The following LAMA3 variants were observed in gnomAD, a reference collection of about 807,000 sequenced individuals.
LAMA3 encodes the protein laminin subunit alpha 3.
A neutral mutation model predicts 402.0 loss-of-function variants in LAMA3; 281 were observed. The observed-to-expected ratio is 0.70, with a 90% CI of 0.63 to 0.77. The LOEUF is 0.77. Among genes scored for constraint, LAMA3 ranks in the 30% least tolerant of loss-of-function variants. LAMA3 has a pLI of 0.00. For synonymous variants in LAMA3, 1,431 were observed against 1,558.4 expected, an observed-to-expected ratio of 0.92 and a Z score of 1.93; for missense variants, 3,840 against 4,215.5, an observed-to-expected ratio of 0.91 and a Z score of 2.47.
intron 32 of LAMA3, among the ~76,000 whole-genome samples, chr18:23,852,605 A>G (rs568150393): frequency 2.2e-4 from 34 of 152,296 alleles, no homozygotes; most frequent in Admixed American, 1.3e-3. Flanking sequence ...TGGTGGGGGC[A>G]CCTGTTCTAA....
chr18:23,951,804 A>C, intron 73 of LAMA3, 27 bp downstream of exon 73: 1 of 1,545,946 alleles, frequency 6.5e-7, no homozygotes. Context: ...CTGATTGTTC[A>C]TGCACTAAAA....
intron 12 of LAMA3, 23 bp from the exon 13 acceptor site, chr18:23,810,343 T>A: frequency 6.2e-7 from 1 of 1,613,816 alleles, no homozygotes; most frequent in Non-Finnish European, 8.5e-7. Context: ...CCCGCCTAAG[T>A]CTGATTGAAT....
chr18:23,833,861 G>A lies in LAMA3; in HGVS notation c.2857G>A (p.Val953Ile), dbSNP rs1005602003. The change falls in exon 24 of 75, where the codon GTT becomes ATT. Residue 953 changes from valine (V) to isoleucine (I), a missense_variant. Val to Ile is a conservative substitution (Grantham distance 29). Around this residue, in one of 3 missense-constraint regions of LAMA3, gnomAD observed 2,109 missense variants for 2,376.0 expected, o/e 0.89. Coordinates refer to ENST00000313654, the MANE Select transcript of LAMA3 (RefSeq NM_198129.4). The stretch of plus-strand genomic sequence containing the variant: ...GCATCTGCGGCTGCGCATCCCACAG[G>A]TTGGCCACTACGTGGTTGTGGTCGA... ...ELHLRLRIPQ[V>I]GHYVVVVEYS... is the part of the protein sequence containing the mutation. 16 of 1,613,704 alleles carry A rather than the reference G, an allele frequency of 9.9e-6. No individual in the cohort carries two copies. In the African/African-American group the frequency reaches 1.2e-4, roughly 12 times the overall value.
chr18:23,940,365 C>T (rs1483332806), intron 68 of LAMA3, among the ~76,000 whole-genome samples: 2 of 152,170 alleles, frequency 1.3e-5, no homozygotes, highest in African/African-American at 2.4e-5. Flanking sequence ...ATAAATGGCC[C>T]GGCTCTAATA....
At chr18:23,781,424 A>G (rs1390871069) in intron 11 of LAMA3, 1 of 343,902 alleles carries the variant, frequency 2.9e-6, no homozygotes, top group Admixed American at 3.7e-5. Flanking sequence ...GAATTAAATG[A>G]ACCTAAGACA....
In LAMA3 at chr18:23,689,697, C is replaced by A. The variant is rs2060541050; in HGVS notation, c.14C>A (p.Ala5Glu). The A allele has an allele frequency of 2.3e-6, 3 of 1,321,334 alleles. No homozygotes were observed. The highest frequency in any genetic ancestry group is 3.1e-5 in the African/African-American group (2 of 64,728). 81.9% of individuals were successfully genotyped at this position (1,321,334 alleles called of 1,614,324 possible). MAAAARPRGRALGPV... is the reference protein window; with the variant it reads MAAAERPRGRALGPV... ...CCGCGCGGCTGGATGGCGGCGGCCG[C>A]GCGGCCTCGGGGTCGGGCACTGGGG... Residue 5 changes from alanine (A) to glutamate (E), a missense_variant, in exon 1 of 75, where the codon GCG becomes GAG. Physicochemically the swap from Ala to Glu is moderately radical, Grantham distance 107 (BLOSUM62 -1). Transcript: ENST00000313654.
intron 6 of LAMA3, among the ~76,000 whole-genome samples, chr18:23,756,268 A>G (rs969525004): frequency 1.3e-5 from 2 of 152,116 alleles, no homozygotes; most frequent in Non-Finnish European, 2.9e-5. Flanking sequence ...TGGAATCCCT[A>G]CAGGCACAGC....
intron 8 of LAMA3, among the ~76,000 whole-genome samples, chr18:23,772,623 A>G (rs1479834693): frequency 6.6e-6 from 1 of 152,232 alleles, no homozygotes; most frequent in African/African-American, 2.4e-5. Context: ...GAGCGGTAAT[A>G]AAGAAAAGTC....
intron 68 of LAMA3, among the ~76,000 whole-genome samples, chr18:23,941,126 T>TG (rs2082493945): frequency 6.6e-6 from 1 of 151,732 alleles, no homozygotes; most frequent in Non-Finnish European, 1.5e-5. Flanking sequence ...TTATTAGAGA[T>TG]GGGGTTTCAC....
chr18:23,921,695 A>G lies in LAMA3; in HGVS notation c.8177+110A>G, dbSNP rs528515488. The G allele has an allele frequency of 1.5e-4, 163 of 1,098,108 alleles. No individual in the cohort carries two copies. In the African/African-American group the frequency reaches 1.8e-3, roughly 12 times the overall value. The allele number at this position is 1,098,108 out of a possible 1,614,324, so 68.0% of individuals were successfully genotyped here. A position where few individuals can be genotyped will look rare whatever the true frequency, so the allele number is the denominator to read the frequency against. The stretch of plus-strand genomic sequence containing the variant: ...AATTCCACCAACAAACAAACACAAA[A>G]AGTTAACTTTTCCATATTAACAGTA... On this transcript the variant is annotated intron_variant, in intron 62 of 74. Transcript: ENST00000313654.
At chr18:23,870,888 T>A (rs2064497161) in intron 37 of LAMA3, among the ~76,000 whole-genome samples, 1 of 152,220 alleles carries the variant, frequency 6.6e-6, no homozygotes, top group Non-Finnish European at 1.5e-5. Flanking sequence ...AGCTGGTAAG[T>A]TCTAGAGATC....
At chr18:23,886,755 G>A (rs572277832) in intron 41 of LAMA3, among the ~76,000 whole-genome samples, 2 of 152,314 alleles carry the variant, frequency 1.3e-5, no homozygotes, top group Admixed American at 1.3e-4. Context: ...TTTCAAGTAA[G>A]GCATAACCAC....
chr18:23,745,652 C>T (rs766749586), intron 2 of LAMA3, among the ~76,000 whole-genome samples: 5 of 152,178 alleles, frequency 3.3e-5, no homozygotes, highest in Non-Finnish European at 7.4e-5. Flanking sequence ...CTTTCCTCAT[C>T]TTTAAAGTGG....
Position 23,899,526 on chromosome 18 carries a change from T to C in LAMA3, c.6004+71T>C, listed in dbSNP as rs371280979. 95 of 1,463,546 alleles carry C rather than the reference T, an allele frequency of 6.5e-5. No homozygotes were observed. The Middle Eastern group carries it at 4.0e-3, about 61-fold the overall frequency. 90.7% of individuals were successfully genotyped at this position (1,463,546 alleles called of 1,614,324 possible). On this transcript the variant is annotated intron_variant, in intron 47 of 74. Transcript: ENST00000313654. ...TTGAAACACAACGTGCAGAGTGCAA[T>C]GTAGAGTTCCCCGTTATAGGTGGAA... is the stretch of plus-strand genomic sequence containing the variant.
intron 41 of LAMA3, 141 bp downstream of exon 41, chr18:23,884,994 C>T: frequency 1.7e-6 from 1 of 594,778 alleles, no homozygotes; most frequent in Non-Finnish European, 3.0e-6. Context: ...GGGAAAAATA[C>T]AAGACTGCTC....
At chr18:23,881,439 T>A (rs191916897) in intron 39 of LAMA3, among the ~76,000 whole-genome samples, 51 of 152,288 alleles carry the variant, frequency 3.3e-4, no homozygotes, top group Middle Eastern at 3.4e-3. Flanking sequence ...TGAGGGTAAT[T>A]TTCATCAAAG....
At chr18:23,948,034 G>T (rs888741114) in intron 70 of LAMA3, among the ~76,000 whole-genome samples, 1 of 152,008 alleles carries the variant, frequency 6.6e-6, no homozygotes, top group Non-Finnish European at 1.5e-5. Flanking sequence ...GAATGGTCTC[G>T]ATCTCCTGAC....
intron 4 of LAMA3, among the ~76,000 whole-genome samples, chr18:23,750,350 C>T (rs2061723841): frequency 6.7e-6 from 1 of 150,316 alleles, no homozygotes; most frequent in Non-Finnish European, 1.5e-5. Context: ...CTTCTGACAG[C>T]TCATGAGTGG....
intron 21 of LAMA3, among the ~76,000 whole-genome samples, chr18:23,825,452 C>T (rs2063362838): frequency 6.6e-6 from 1 of 152,186 alleles, no homozygotes; most frequent in Admixed American, 6.5e-5. Flanking sequence ...AGGAAAGTCG[C>T]TTAATTCCAA....
Sources: allele counts gnomAD v4.1 joint callset (sites outside exome capture counted in the v4.1 genomes callset), GRCh38; gene constraint gnomAD v4.1.1; regional missense constraint gnomAD v4.1.1; transcripts MANE v1.5; gene names NCBI Gene and HGNC (gene_info 2026-07-23, HGNC 2026-07-21).